The following PLXDC2 variants were observed in gnomAD, a reference collection of about 807,000 sequenced individuals.
PLXDC2 encodes plexin domain-containing protein 2.
Under a neutral mutation model 68.9 loss-of-function variants are expected in PLXDC2, and 40 were observed. The ratio of observed to expected loss-of-function variants is 0.58; its 90% confidence interval spans 0.45 to 0.76. The LOEUF is 0.76. PLXDC2 is among the 30% of genes least tolerant of loss of function. The pLI is 0.00. For missense variants in PLXDC2, 644 were observed against 661.9 expected (o/e 0.97, Z 0.30); for synonymous variants, 243 against 234.2 (o/e 1.04, Z -0.34).
At chr10:19,870,770 TG>T (rs1452647218) in intron 1 of PLXDC2, among the ~76,000 whole-genome samples, 1 of 152,220 alleles carries the variant, frequency 6.6e-6, no homozygotes, top group Admixed American at 6.5e-5. Flanking sequence ...ATGTTACATT[TG>T]TTTCTATGTA....
At chr10:19,940,253 A>T (rs1035833212) in intron 1 of PLXDC2, among the ~76,000 whole-genome samples, 2 of 149,660 alleles carry the variant, frequency 1.3e-5, no homozygotes, top group Non-Finnish European at 2.9e-5. Context: ...TGTGATTTGT[A>T]CGAAGATGCC....
At chr10:19,953,399 C>T (rs763335394) in intron 1 of PLXDC2, among the ~76,000 whole-genome samples, 2 of 152,158 alleles carry the variant, frequency 1.3e-5, no homozygotes, top group Non-Finnish European at 2.9e-5. Context: ...ATGTATATAC[C>T]TGTGAGTGTG....
At chr10:19,864,410 A>G (rs1304203034) in intron 1 of PLXDC2, among the ~76,000 whole-genome samples, 1 of 152,248 alleles carries the variant, frequency 6.6e-6, no homozygotes, top group African/African-American at 2.4e-5. Context: ...ATGAATTCTG[A>G]AACTATCACT....
rs1455007806 is a variant in PLXDC2, at chr10:20,261,728, C to T, written c.1473+16223C>T. ...AATTATCCGGGGGTGGTAGCGCATGCCTGTAATCCCAGCTACTTGGGAGGC... is the reference window on the plus strand; with the variant it reads ...AATTATCCGGGGGTGGTAGCGCATGTCTGTAATCCCAGCTACTTGGGAGGC... On this transcript the variant is annotated intron_variant, in intron 13 of 13. Transcript: ENST00000377252. Among the ~76,000 whole-genome samples the T allele has an allele frequency of 3.9e-5, 6 of 152,128 alleles. No homozygotes were observed. In the South Asian group the frequency reaches 1.0e-3, roughly 26 times the overall value.
At position 20,285,559 on chromosome 10, in the gene PLXDC2, G is replaced by A. The variant is rs1836142402; in HGVS notation, c.*5740G>A. Reference sequence around the variant, plus strand: ...AAACATAATATATCACTGCATGTCTGTGCTGTAGACCTGTTAATTTTATCT... The same window carrying A: ...AAACATAATATATCACTGCATGTCTATGCTGTAGACCTGTTAATTTTATCT... On this transcript the variant is annotated 3_prime_UTR_variant, in exon 14 of 14. Transcript: ENST00000377252. 3 of 152,160 alleles carry A rather than the reference G, an allele frequency of 2.0e-5. No individual in the cohort carries two copies. Among genetic ancestry groups the A allele is most frequent in the Admixed American group, 2.0e-4 (3 of 15,270 alleles). 9.4% of individuals were successfully genotyped at this position (152,160 alleles called of 1,614,324 possible).
chr10:20,107,151 G>A lies in PLXDC2; in HGVS notation c.542-36144G>A, dbSNP rs141580943. 2.2e-3 allele frequency among the ~76,000 whole-genome samples: 326 copies of A among 150,600 alleles called. 4 individuals carry two copies. The highest frequency in any genetic ancestry group is 0.014 in the South Asian group (68 of 4,794). ...CTATATACTATGTATTCTACATTAT[G>A]TACTGCATGCTATACTCTTTACACT... is the stretch of plus-strand genomic sequence containing the variant. On this transcript the variant is annotated intron_variant, in intron 4 of 13. Transcript: ENST00000377252.
At chr10:20,057,303 C>A (rs1836016200) in intron 3 of PLXDC2, among the ~76,000 whole-genome samples, 1 of 152,140 alleles carries the variant, frequency 6.6e-6, no homozygotes, top group Non-Finnish European at 1.5e-5. Flanking sequence ...TGTGAAAAAT[C>A]TTAAATTATA....
At chr10:20,177,481 C>G in intron 9 of PLXDC2, 72 bp downstream of exon 9, 3 of 803,034 alleles carry the variant, frequency 3.7e-6, no homozygotes, top group Non-Finnish European at 5.0e-6. Context: ...TTAAAAATAA[C>G]TTATGGACAG....
intron 1 of PLXDC2, among the ~76,000 whole-genome samples, chr10:19,839,604 T>G (rs1432888149): frequency 6.6e-6 from 1 of 151,056 alleles, no homozygotes; most frequent in Non-Finnish European, 1.5e-5. Context: ...TTCTGTAAAA[T>G]CAAATGATAA....
At chr10:19,879,355 T>C (rs1330583382) in intron 1 of PLXDC2, among the ~76,000 whole-genome samples, 1 of 152,144 alleles carries the variant, frequency 6.6e-6, no homozygotes, top group Non-Finnish European at 1.5e-5. Flanking sequence ...GGTTTGCTGA[T>C]TTCTTGGTAA....
At chr10:20,045,882 C>G (rs1321442277) in intron 2 of PLXDC2, among the ~76,000 whole-genome samples, 1 of 151,962 alleles carries the variant, frequency 6.6e-6, no homozygotes, top group Non-Finnish European at 1.5e-5. Flanking sequence ...TCAGAATTAG[C>G]CAATAATTAT....
intron 2 of PLXDC2, among the ~76,000 whole-genome samples, chr10:20,037,536 C>A (rs1835599566): frequency 6.6e-6 from 1 of 152,020 alleles, no homozygotes; most frequent in African/African-American, 2.4e-5. Context: ...GTCTTTGGGG[C>A]TCATTCTTGA....
At chr10:20,052,692 C>G (rs112435369) in intron 3 of PLXDC2, among the ~76,000 whole-genome samples, 1 of 100,172 alleles carries the variant, frequency 1.0e-5, no homozygotes, top group Non-Finnish European at 1.9e-5. Context: ...TTTGCATGCC[C>G]AAGAATATAT....
At chr10:20,111,805 C>A (rs566563391) in intron 4 of PLXDC2, among the ~76,000 whole-genome samples, 1 of 152,320 alleles carries the variant, frequency 6.6e-6, no homozygotes, top group African/African-American at 2.4e-5. Flanking sequence ...CAGATCCTAA[C>A]GTATACTTCA....
At chr10:20,140,435 A>ATCTG (rs1833989410) in intron 4 of PLXDC2, among the ~76,000 whole-genome samples, 1 of 149,542 alleles carries the variant, frequency 6.7e-6, no homozygotes, top group Admixed American at 6.7e-5. Flanking sequence ...CTATCTATCT[A>ATCTG]TCTATCCGTC....
intron 1 of PLXDC2, among the ~76,000 whole-genome samples, chr10:19,845,654 G>A (rs746567050): frequency 5.3e-5 from 8 of 152,218 alleles, no homozygotes; most frequent in Non-Finnish European, 1.0e-4. Flanking sequence ...CCCTGGTGAT[G>A]TTGCAGCTCC....
chr10:20,072,544 A>AG (rs1554764556), intron 4 of PLXDC2, among the ~76,000 whole-genome samples: 1 of 118,152 alleles, frequency 8.5e-6, no homozygotes, highest in East Asian at 3.4e-4. Flanking sequence ...AGAAAGAAAG[A>AG]AAGAAAGAAA....
At chr10:20,034,863 G>T (rs1011325324) in intron 2 of PLXDC2, among the ~76,000 whole-genome samples, 2 of 152,184 alleles carry the variant, frequency 1.3e-5, no homozygotes, top group Non-Finnish European at 2.9e-5. Flanking sequence ...GCCTAGAACA[G>T]TTGACCATCC....
rs149525643 is a variant in PLXDC2 at position 19,979,652 on chromosome 10, G to A, written c.113-22123G>A. On this transcript the variant is annotated intron_variant, in intron 1 of 13. Coordinates refer to ENST00000377252, the MANE Select transcript of PLXDC2 (RefSeq NM_032812.9). ...CTCTCAAAGCGCTGGGATTACAGGCGTGAGCTCCCGCACCTTTTTAAAGGA... is the reference window on the plus strand; with the variant it reads ...CTCTCAAAGCGCTGGGATTACAGGCATGAGCTCCCGCACCTTTTTAAAGGA... Among the ~76,000 whole-genome samples, 513 of 152,286 alleles carry A rather than the reference G, an allele frequency of 3.4e-3. 2 individuals carry two copies. The highest frequency in any genetic ancestry group is 0.012 in the African/African-American group (485 of 41,560).
Sources: gnomAD v4.1 joint callset for allele counts (sites outside exome capture counted in the v4.1 genomes callset) on GRCh38, gnomAD v4.1.1 for gene constraint, MANE v1.5 for transcripts, NCBI Gene and HGNC (gene_info 2026-07-23, HGNC 2026-07-21) for gene names.